The following TENM1 variants were observed in gnomAD, a reference collection of about 807,000 sequenced individuals.
The protein encoded by TENM1 is teneurin-1.
In TENM1, 35 loss-of-function variants were observed where a neutral mutation model predicts 174.8. The ratio of observed to expected loss-of-function variants is 0.20; its 90% CI spans 0.15 to 0.27. TENM1 has a LOEUF of 0.27. TENM1 is among the 10% of genes least tolerant of loss of function. The pLI is 1.00. For synonymous variants in TENM1, 781 were observed against 798.7 expected, an observed-to-expected ratio of 0.98 and a Z score of 0.37; for missense variants, 1,633 against 2,130.1, an observed-to-expected ratio of 0.77 and a Z score of 4.59.
chrX:124,746,530 T>C (rs1384128591), intron 3 of TENM1, among the ~76,000 whole-genome samples: 4 of 111,755 alleles, frequency 3.6e-5, no homozygotes, highest in African/African-American at 1.3e-4. Context: ...CAAAGTCTGA[T>C]TCATTCTCTC....
At chrX:124,912,344 C>T (rs1392434421) in intron 1 of TENM1, among the ~76,000 whole-genome samples, 2 of 111,482 alleles carry the variant, frequency 1.8e-5, no homozygotes, top group Non-Finnish European at 3.8e-5. Context: ...TGAGATATGC[C>T]ACATTTGTCC....
intron 1 of TENM1, among the ~76,000 whole-genome samples, chrX:124,928,872 G>A (rs1358260751): frequency 1.8e-5 from 2 of 111,304 alleles, no homozygotes; most frequent in African/African-American, 6.5e-5. Context: ...ATCATCACAC[G>A]TCTCCCATTT....
the TENM1 span, among the ~76,000 whole-genome samples, chrX:125,115,190 C>A: frequency 4.5e-5 from 5 of 111,324 alleles, no homozygotes; most frequent in African/African-American, 1.3e-4. Flanking sequence ...AAATTTAACA[C>A]CCCTTCATGC....
At chrX:124,390,815 C>T (rs768514616) in intron 28 of TENM1, among the ~76,000 whole-genome samples, 17 of 112,200 alleles carry the variant, frequency 1.5e-4, no homozygotes, top group Non-Finnish European at 3.0e-4. Flanking sequence ...ACTAGTCACA[C>T]GGTTTTGCCA....
At chrX:124,676,295 TATATATATATATATATATAC>T in intron 5 of TENM1, among the ~76,000 whole-genome samples, 1 of 47,322 alleles carries the variant, frequency 2.1e-5, no homozygotes, top group Non-Finnish European at 3.6e-5. Context: ...TATATATATA[TATATATATATATATATATAC>T]TCAATGAATG....
intron 5 of TENM1, among the ~76,000 whole-genome samples, chrX:124,675,458 T>C (rs2052043772): frequency 9.1e-6 from 1 of 110,420 alleles, no homozygotes; most frequent in Non-Finnish European, 1.9e-5. Context: ...TTTAGGTGAG[T>C]CCCCCAAACC....
intron 21 of TENM1, among the ~76,000 whole-genome samples, chrX:124,482,450 G>A (rs1214628271): frequency 1.8e-5 from 2 of 111,067 alleles, no homozygotes; most frequent in Non-Finnish European, 3.8e-5. Context: ...GTTGTCAATT[G>A]AAAGGCATGT....
chrX:125,090,851 G>C, the TENM1 span, among the ~76,000 whole-genome samples: 1 of 111,710 alleles, frequency 9.0e-6, no homozygotes, highest in Non-Finnish European at 1.9e-5. Context: ...AAGGGACCAG[G>C]ATATAAATGT....
chrX:124,882,287 C>A (rs1179583338), intron 3 of TENM1, among the ~76,000 whole-genome samples: 1 of 111,677 alleles, frequency 9.0e-6, no homozygotes, highest in Non-Finnish European at 1.9e-5. Context: ...GTGGTCTATC[C>A]TGGAGAATGT....
chrX:125,025,376 C>A, the TENM1 span, among the ~76,000 whole-genome samples: 1 of 111,562 alleles, frequency 9.0e-6, no homozygotes, highest in Admixed American at 9.6e-5. Flanking sequence ...CAAATTAACT[C>A]ATTCTTCTAC....
the TENM1 span, among the ~76,000 whole-genome samples, chrX:125,164,210 G>C: frequency 9.0e-6 from 1 of 111,536 alleles, no homozygotes; most frequent in Admixed American, 9.6e-5. Flanking sequence ...CTGACCATTT[G>C]TTTAAGTGAT....
chrX:124,442,077 T>C (rs1420912241), intron 23 of TENM1, among the ~76,000 whole-genome samples: 1 of 112,243 alleles, frequency 8.9e-6, no homozygotes, highest in Non-Finnish European at 1.9e-5. Context: ...TTCAGATATA[T>C]AGCTTTCATC....
chrX:124,887,989 A>T (rs777274361), intron 3 of TENM1, among the ~76,000 whole-genome samples: 6 of 112,386 alleles, frequency 5.3e-5, no homozygotes, highest in Non-Finnish European at 1.1e-4. Context: ...TGGAAAACAA[A>T]CAAACAAATT....
intron 20 of TENM1, 79 bp downstream of exon 23, chrX:124,496,937 G>A: frequency 1.9e-6 from 2 of 1,048,250 alleles, no homozygotes; most frequent in East Asian, 6.1e-5. Context: ...GCTTCTACTG[G>A]CAGTGCTTTG....
At chrX:125,061,136 T>C in the TENM1 span, among the ~76,000 whole-genome samples, 2 of 111,015 alleles carry the variant, frequency 1.8e-5, no homozygotes, top group African/African-American at 6.5e-5. Context: ...ATCAATTAAT[T>C]AACGGTTCAA....
At chrX:124,780,894 T>C (rs768703198) in intron 3 of TENM1, among the ~76,000 whole-genome samples, 14 of 111,751 alleles carry the variant, frequency 1.3e-4, no homozygotes, top group African/African-American at 4.5e-4. Context: ...TGCTGCTGCA[T>C]TGGAAAGACC....
At chrX:125,145,580 A>T in the TENM1 span, among the ~76,000 whole-genome samples, 2 of 112,554 alleles carry the variant, frequency 1.8e-5, no homozygotes, top group Non-Finnish European at 3.7e-5. Flanking sequence ...TTAATAAAAC[A>T]AGCCATCTCA....
At chrX:124,957,720 C>A (rs16998172) in intron 1 of TENM1, among the ~76,000 whole-genome samples, 1 of 110,518 alleles carries the variant, frequency 9.0e-6, no homozygotes, top group Non-Finnish European at 1.9e-5. Context: ...GAAAAAGAAG[C>A]GTTAAAAGAA....
intron 21 of TENM1, among the ~76,000 whole-genome samples, chrX:124,486,776 A>G (rs1379943527): frequency 8.9e-6 from 1 of 111,970 alleles, no homozygotes; most frequent in Non-Finnish European, 1.9e-5. Context: ...TGTATTAAAG[A>G]AGGTCATCAT....
Sources: allele counts gnomAD v4.1 joint callset (sites outside exome capture counted in the v4.1 genomes callset), GRCh38; gene constraint gnomAD v4.1.1; transcripts MANE v1.5; gene names NCBI Gene and HGNC (gene_info 2026-07-23, HGNC 2026-07-21).